The following AP1M1 variants were observed in gnomAD, a reference collection of about 807,000 sequenced individuals.
The protein encoded by AP1M1 is adaptor related protein complex 1 subunit mu 1, also known as AP-1 complex subunit mu-1.
In AP1M1, 18 loss-of-function variants were observed where a neutral mutation model predicts 57.1. The observed-to-expected ratio is 0.32, with a 90% CI of 0.22 to 0.47. The LOEUF is 0.47. AP1M1 is among the 20% of genes least tolerant of loss of function. The pLI, the probability that AP1M1 is intolerant of heterozygous loss-of-function variation, is 1.00. For synonymous variants in AP1M1, 241 were observed against 237.9 expected (o/e 1.01, Z -0.12); for missense variants, 362 against 593.5 (o/e 0.61, Z 4.05).
At chr19:16,205,360 G>T (rs2145115626) in intron 2 of AP1M1, among the ~76,000 whole-genome samples, 1 of 152,310 alleles carries the variant, frequency 6.6e-6, no homozygotes, top group East Asian at 1.9e-4. Flanking sequence ...CAAGGCCGTG[G>T]CTGAGAGGCA....
rs1296769000 is a variant in AP1M1, at chr19:16,228,991, G to A, written c.1047+63G>A. 3.8e-6 allele frequency: 6 copies of A among 1,571,960 alleles called. No homozygotes were observed. Among genetic ancestry groups the A allele is most frequent in the Non-Finnish European group, 1.7e-6 (2 of 1,151,038 alleles). On this transcript the variant is annotated intron_variant, in intron 9 of 11. Transcript: ENST00000291439. This position sits in a 1 kb window ranked among gnomAD's most constrained non-coding sequence, Gnocchi z 5.0. ...CCTGTCTCTGCAAGGCAGCCTGGGT[G>A]CCTCAGGACCCCCTGCACCTCAAGA... is the stretch of plus-strand genomic sequence containing the variant.
chr19:16,226,633 G>T, intron 6 of AP1M1, 86 bp downstream of exon 6: 1 of 1,458,200 alleles, frequency 6.9e-7, no homozygotes, highest in Non-Finnish European at 9.1e-7. Flanking sequence ...TGGGCCAGGC[G>T]GAGGAACGAG....
intron 5 of AP1M1, among the ~76,000 whole-genome samples, chr19:16,221,673 A>G (rs2091544974): frequency 6.6e-6 from 1 of 152,238 alleles, no homozygotes. Context: ...TATGTCTAAA[A>G]CAAATATTTC....
rs1821642308 is a variant in AP1M1 at position 16,244,179 on chromosome 19, G to T, written c.*9744G>T. ...ACAGCTGGCTTTTCAAAGGAACCCA[G>T]AAAACAGTTGGGTGACATTTTCAAC... On this transcript the variant is annotated 3_prime_UTR_variant, in exon 12 of 12. Coordinates refer to ENST00000291439, the MANE Select transcript of AP1M1 (RefSeq NM_032493.4). The T allele has an allele frequency of 6.6e-6, 1 of 152,140 alleles. No homozygotes were observed. The allele number at this position is 152,140 out of a possible 1,614,324, so 9.4% of individuals were successfully genotyped here.
Position 16,227,271 on chromosome 19 carries a change from G to A in AP1M1, c.674-277G>A, listed in dbSNP as rs1568354645. 6.6e-6 allele frequency among the ~76,000 whole-genome samples: 1 copy of A among 151,936 alleles called. No individual in the cohort carries two copies. Among genetic ancestry groups the A allele is most frequent in the Non-Finnish European group, 1.5e-5 (1 of 67,914 alleles). The stretch of plus-strand genomic sequence containing the variant: ...TCCACTGATCAATCATTCAGTGAAC[G>A]TGTCCTGAGCAGGTCCCCTGGCTGG... On this transcript the variant is annotated intron_variant, in intron 6 of 11. Coordinates refer to ENST00000291439, the MANE Select transcript of AP1M1 (RefSeq NM_032493.4). The surrounding 1 kb of genome is among the most constrained non-coding windows in gnomAD (Gnocchi z 6.2).
At chr19:16,223,826 C>T (rs2091556725) in intron 5 of AP1M1, among the ~76,000 whole-genome samples, 1 of 152,218 alleles carries the variant, frequency 6.6e-6, no homozygotes, top group South Asian at 2.1e-4. Flanking sequence ...GGTTTCAGAG[C>T]TGTAGTCAGT....
chr19:16,213,293 T>G (rs2091503081), intron 5 of AP1M1, among the ~76,000 whole-genome samples: 1 of 152,228 alleles, frequency 6.6e-6, no homozygotes. Context: ...CATATTTATT[T>G]AGGTTAGTTA....
rs1439156680 is a variant in AP1M1, at chr19:16,228,483, C to T, written c.888+275C>T. On this transcript the variant is annotated intron_variant, in intron 8 of 11. Coordinates refer to ENST00000291439, the MANE Select transcript of AP1M1 (RefSeq NM_032493.4). The surrounding 1 kb of genome is among the most constrained non-coding windows in gnomAD (Gnocchi z 5.0). ...TCTGCCCCTCAGCGACCCTGTCCAG[C>T]GCAGCCTGGCCCTGGGACATAGACA... Among the ~76,000 whole-genome samples the T allele has an allele frequency of 1.3e-5, 2 of 152,152 alleles. No homozygotes were observed. The highest frequency in any genetic ancestry group is 2.9e-5 in the Non-Finnish European group (2 of 68,010).
intron 1 of AP1M1, among the ~76,000 whole-genome samples, chr19:16,199,627 C>A (rs1024783582): frequency 1.3e-5 from 2 of 152,208 alleles, no homozygotes; most frequent in Admixed American, 1.3e-4. Context: ...TCCTGAAGTC[C>A]CTTGAGTGGG....
rs776948612 is a variant in AP1M1, at chr19:16,233,487, C to T, written c.1048-6C>T. On this transcript the variant is annotated splice_polypyrimidine_tract_variant and splice_region_variant and intron_variant, in intron 9 of 11. Transcript: ENST00000291439. ...GGCCTGAGCGCCTCCCCCGTCTGCTCCCCAGGGCGGCAAGGAGTACCTGAT... is the reference window on the plus strand; with the variant it reads ...GGCCTGAGCGCCTCCCCCGTCTGCTTCCCAGGGCGGCAAGGAGTACCTGAT... 1 of 1,597,256 alleles carries T rather than the reference C, an allele frequency of 6.3e-7. No individual in the cohort carries two copies. The highest frequency in any genetic ancestry group is 8.5e-7 in the Non-Finnish European group (1 of 1,172,738).
chr19:16,229,196 C>G (rs1414271482), intron 9 of AP1M1, among the ~76,000 whole-genome samples: 2 of 152,224 alleles, frequency 1.3e-5, no homozygotes, highest in African/African-American at 4.8e-5. Flanking sequence ...CTCCCTCCCT[C>G]TCTGTGATGC....
intron 5 of AP1M1, among the ~76,000 whole-genome samples, chr19:16,220,168 A>G (rs1481480771): frequency 6.6e-6 from 1 of 152,144 alleles, no homozygotes; most frequent in Non-Finnish European, 1.5e-5. Flanking sequence ...CCGAGCCTGG[A>G]GATTTATTTT....
At chr19:16,212,897 G>T (rs958225602) in intron 5 of AP1M1, among the ~76,000 whole-genome samples, 8 of 152,160 alleles carry the variant, frequency 5.3e-5, no homozygotes, top group Non-Finnish European at 2.9e-5. Flanking sequence ...CCATGTAATT[G>T]TATGGGTTTG....
chr19:16,240,899 GTC>G lies in AP1M1; in HGVS notation c.*6469_*6470del, dbSNP rs1167912446. On this transcript the variant is annotated 3_prime_UTR_variant, in exon 12 of 12. Coordinates refer to ENST00000291439, the MANE Select transcript of AP1M1 (RefSeq NM_032493.4). ...AACAGCAACACTAAGAGATTAAAAT[GTC>G]TCTCCAAAGAGCAATTGGACAGAGA... The G allele has an allele frequency of 6.6e-6, 1 of 152,214 alleles. No homozygotes were observed. Among genetic ancestry groups the G allele is most frequent in the Non-Finnish European group, 1.5e-5 (1 of 68,042 alleles). 9.4% of individuals were successfully genotyped at this position (152,214 alleles called of 1,614,324 possible). A position where few individuals can be genotyped will look rare whatever the true frequency, so the allele number is the denominator to read the frequency against.
chr19:16,228,966 C>G lies in AP1M1; in HGVS notation c.1047+38C>G. ...TCCAGACATCCACGTGCCCCCTGCG[C>G]CTGTCTCTGCAAGGCAGCCTGGGTG... On this transcript the variant is annotated intron_variant, in intron 9 of 11. Coordinates refer to ENST00000291439, the MANE Select transcript of AP1M1 (RefSeq NM_032493.4). This position sits in a 1 kb window ranked among gnomAD's most constrained non-coding sequence, Gnocchi z 5.0. The G allele has an allele frequency of 1.9e-6, 3 of 1,601,490 alleles. No homozygotes were observed. Among genetic ancestry groups the G allele is most frequent in the Non-Finnish European group, 2.6e-6 (3 of 1,170,550 alleles).
chr19:16,203,575 G>A lies in AP1M1; in HGVS notation c.159G>A (p.Gly53=), dbSNP rs141457321. 197 of 1,613,990 alleles carry A rather than the reference G, an allele frequency of 1.2e-4. 1 individual carries two copies. In the South Asian group the frequency reaches 2.0e-3, roughly 16 times the overall value. The change falls in exon 2 of 12, where the codon GGG becomes GGA. Residue 53 remains glycine, a synonymous_variant. Coordinates refer to ENST00000291439, the MANE Select transcript of AP1M1 (RefSeq NM_032493.4). The surrounding 1 kb of genome is among the most constrained non-coding windows in gnomAD (Gnocchi z 4.6). ...TGCTGTCGCCCATCCTGGCCCACGG[G>A]GGGGTCCGTTTCATGTGGATCAAAC... ...EGMLSPILAH[G]GVRFMWIKHN...
chr19:16,220,171 T>C (rs932257648), intron 5 of AP1M1, among the ~76,000 whole-genome samples: 4 of 152,198 alleles, frequency 2.6e-5, no homozygotes, highest in African/African-American at 4.8e-5. Context: ...AGCCTGGAGA[T>C]TTATTTTACA....
chr19:16,234,651 T>C lies in AP1M1; in HGVS notation c.*216T>C. ...AGAAGAGGCTGGTCTTCAAGAAGTC[T>C]CGTTTCTTTGCCCCTGAAGTCAGTT... On this transcript the variant is annotated 3_prime_UTR_variant, in exon 12 of 12. Coordinates refer to ENST00000291439, the MANE Select transcript of AP1M1 (RefSeq NM_032493.4). The C allele has an allele frequency of 3.3e-6, 2 of 613,316 alleles. No homozygotes were observed. The highest frequency in any genetic ancestry group is 5.7e-6 in the Non-Finnish European group (2 of 349,022). The allele number at this position is 613,316 out of a possible 1,614,324, so 38.0% of individuals were successfully genotyped here.
At position 16,234,429 on chromosome 19, in the gene AP1M1, C is replaced by T. The variant is rs2091614769; in HGVS notation, c.1266C>T (p.Thr422=). 6.2e-7 allele frequency: 1 copy of T among 1,613,820 alleles called. No individual in the cohort carries two copies. The highest frequency in any genetic ancestry group is 1.1e-5 in the South Asian group (1 of 91,084). ...ITQNGDYQLR[T]Q is the part of the protein sequence containing the mutation. ...GTCTCCTAGATTACCAGCTCCGGAC[C>T]CAGTGAGGGGCTGTCGCAGCCAACA... is the stretch of plus-strand genomic sequence containing the variant. Residue 422 remains threonine, a synonymous_variant, in exon 12 of 12, where the codon ACC becomes ACT. Coordinates refer to ENST00000291439, the MANE Select transcript of AP1M1 (RefSeq NM_032493.4).
Sources: gnomAD v4.1 joint callset for allele counts (sites outside exome capture counted in the v4.1 genomes callset) on GRCh38, gnomAD v4.1.1 for gene constraint, Gnocchi (gnomAD v3.1) non-coding constraint, MANE v1.5 for transcripts, NCBI Gene and HGNC (gene_info 2026-07-23, HGNC 2026-07-21) for gene names.